CA10: variants seen among roughly 807,000 people sequenced by gnomAD.
CA10 encodes carbonic anhydrase-related protein 10.
CA10 carries 14 observed loss-of-function variants against 44.2 expected under a neutral mutation model. The ratio of observed to expected loss-of-function variants is 0.32; its 90% CI spans 0.21 to 0.50. The LOEUF is 0.50. Ranked by LOEUF, CA10 falls within the 20% of genes least tolerant of loss-of-function variation. CA10 has a pLI of 0.99. For missense variants in CA10, 350 were observed against 409.7 expected (o/e 0.85, Z 1.26); for synonymous variants, 159 against 141.6 (o/e 1.12, Z -0.87).
intron 3 of CA10, among the ~76,000 whole-genome samples, chr17:51,824,520 C>T (rs1907935637): frequency 6.6e-6 from 1 of 152,108 alleles, no homozygotes; most frequent in Non-Finnish European, 1.5e-5. Context: ...AGTTTTAATG[C>T]CAAAAACCCT....
At chr17:51,863,020 CA>C (rs1979382633) in intron 3 of CA10, among the ~76,000 whole-genome samples, 1 of 152,110 alleles carries the variant, frequency 6.6e-6, no homozygotes, top group Non-Finnish European at 1.5e-5. Flanking sequence ...AAGTGTGAAG[CA>C]AAGGTGTGGC....
chr17:51,652,356 G>A (rs899706446), intron 5 of CA10, among the ~76,000 whole-genome samples: 2 of 152,256 alleles, frequency 1.3e-5, no homozygotes, highest in African/African-American at 4.8e-5. Flanking sequence ...GGTTTGTGAT[G>A]ATGCCAGGAG....
chr17:51,878,169 A>G (rs903132827), intron 3 of CA10, among the ~76,000 whole-genome samples: 2 of 135,800 alleles, frequency 1.5e-5, no homozygotes, highest in Non-Finnish European at 3.1e-5. Flanking sequence ...AAAAAAAAAG[A>G]AAAAGGAAAA....
intron 2 of CA10, among the ~76,000 whole-genome samples, chr17:52,065,694 T>C (rs2143111495): frequency 6.6e-6 from 1 of 152,322 alleles, no homozygotes; most frequent in Admixed American, 6.5e-5. Flanking sequence ...CCAGTTGGTA[T>C]GGCCCTCCAT....
At chr17:51,686,941 C>CCACT (rs1915030325) in intron 4 of CA10, among the ~76,000 whole-genome samples, 1 of 152,296 alleles carries the variant, frequency 6.6e-6, no homozygotes, top group East Asian at 1.9e-4. Flanking sequence ...CCAACCTGTA[C>CCACT]CACTGCAAGT....
At chr17:52,114,078 T>C (rs1486343100) in intron 1 of CA10, among the ~76,000 whole-genome samples, 2 of 152,222 alleles carry the variant, frequency 1.3e-5, no homozygotes, top group African/African-American at 4.8e-5. Flanking sequence ...TGAACAGGCA[T>C]GGCTGAATTC....
intron 3 of CA10, among the ~76,000 whole-genome samples, chr17:51,772,407 C>CA (rs956164429): frequency 5.9e-5 from 9 of 151,306 alleles, no homozygotes; most frequent in East Asian, 3.9e-4. Flanking sequence ...TGATACGAAG[C>CA]AAAAAAAAGT....
chr17:51,951,548 C>A (rs1363079682), intron 2 of CA10, among the ~76,000 whole-genome samples: 1 of 152,136 alleles, frequency 6.6e-6, no homozygotes, highest in Non-Finnish European at 1.5e-5. Flanking sequence ...AAAGAGCTAA[C>A]TCAAAAGAAA....
chr17:51,861,940 G>C (rs1389914735), intron 3 of CA10, among the ~76,000 whole-genome samples: 3 of 152,142 alleles, frequency 2.0e-5, no homozygotes, highest in Non-Finnish European at 4.4e-5. Flanking sequence ...ATTCTGTAAG[G>C]CTAGAAAGGG....
At chr17:52,003,233 C>T (rs1015629311) in intron 2 of CA10, among the ~76,000 whole-genome samples, 1 of 151,912 alleles carries the variant, frequency 6.6e-6, no homozygotes, top group Non-Finnish European at 1.5e-5. Context: ...TCAAGTCAAA[C>T]TTGAGCATCA....
intron 3 of CA10, among the ~76,000 whole-genome samples, chr17:51,915,909 C>T (rs1201618952): frequency 6.6e-6 from 1 of 151,626 alleles, no homozygotes; most frequent in African/African-American, 2.4e-5. Flanking sequence ...GATTGAACAG[C>T]ATGGACCCAA....
At chr17:51,835,360 C>T (rs907575568) in intron 3 of CA10, among the ~76,000 whole-genome samples, 1 of 152,142 alleles carries the variant, frequency 6.6e-6, no homozygotes, top group Non-Finnish European at 1.5e-5. Context: ...TTCCCTTGAC[C>T]CATATATTTT....
chr17:51,642,022 G>A (rs746953235), intron 6 of CA10, among the ~76,000 whole-genome samples: 6 of 152,148 alleles, frequency 3.9e-5, no homozygotes, highest in Non-Finnish European at 1.5e-5. Flanking sequence ...ATTTCCTCTT[G>A]TAATCTGAGG....
intron 4 of CA10, among the ~76,000 whole-genome samples, chr17:51,671,264 C>T (rs1914409462): frequency 6.6e-6 from 1 of 152,150 alleles, no homozygotes; most frequent in African/African-American, 2.4e-5. Context: ...TGAGCTGTCC[C>T]TCAGGGTTCT....
At chr17:51,782,550 G>T (rs1486306643) in intron 3 of CA10, among the ~76,000 whole-genome samples, 1 of 152,190 alleles carries the variant, frequency 6.6e-6, no homozygotes, top group Non-Finnish European at 1.5e-5. Flanking sequence ...GGCCAAGCTT[G>T]CTTCTTTCAT....
intron 5 of CA10, among the ~76,000 whole-genome samples, chr17:51,653,260 G>C (rs1416293632): frequency 6.6e-6 from 1 of 152,190 alleles, no homozygotes; most frequent in Non-Finnish European, 1.5e-5. Flanking sequence ...TTTACAAGGG[G>C]CAGCTGAATG....
upstream of CA10, chr17:52,159,970 TG>T (rs1411451770): frequency 6.6e-6 from 1 of 152,124 alleles, no homozygotes; most frequent in African/African-American, 2.4e-5. Context: ...AGGGAATCCC[TG>T]GGAAGATCCA....
intron 2 of CA10, among the ~76,000 whole-genome samples, chr17:52,002,475 A>G (rs80294211): frequency 6.6e-6 from 1 of 151,966 alleles, no homozygotes; most frequent in Non-Finnish European, 1.5e-5. Flanking sequence ...AATGTAGAGG[A>G]GGCAAGATGG....
chr17:51,692,053 T>C (rs1474913595), intron 4 of CA10, among the ~76,000 whole-genome samples: 1 of 151,226 alleles, frequency 6.6e-6, no homozygotes, highest in Non-Finnish European at 1.5e-5. Flanking sequence ...GGTATTTTGA[T>C]AGGGATTGCT....
Sources: allele counts gnomAD v4.1 joint callset (sites outside exome capture counted in the v4.1 genomes callset), GRCh38; gene constraint gnomAD v4.1.1; transcripts MANE v1.5; gene names NCBI Gene and HGNC (gene_info 2026-07-23, HGNC 2026-07-21).